Variants in PARD6G observed in about 807,000 individuals in gnomAD.
The protein encoded by PARD6G is par-6 family cell polarity regulator gamma.
Under a neutral mutation model 10.7 loss-of-function variants are expected in PARD6G, and 7 were observed. That is an observed-to-expected ratio of 0.66 (90% CI 0.37 to 1.23). The LOEUF (loss-of-function observed/expected upper bound fraction) is 1.23. PARD6G is among the 50% of genes most tolerant of loss of function. The probability of loss-of-function intolerance (pLI) is 0.02; values close to 1 mark genes in which losing one functional copy is unlikely to be tolerated. For synonymous variants in PARD6G, 287 were observed against 269.4 expected (o/e 1.07, Z -0.64); for missense variants, 548 against 571.8 (o/e 0.96, Z 0.42).
At chr18:80,193,269 T>C (rs1352277940) in intron 2 of PARD6G, among the ~76,000 whole-genome samples, 2 of 152,118 alleles carry the variant, frequency 1.3e-5, no homozygotes, top group Admixed American at 6.5e-5. Flanking sequence ...GCCTCACGCA[T>C]GGCCTGGGGA....
chr18:80,197,999 C>G (rs1050170345), intron 2 of PARD6G, among the ~76,000 whole-genome samples: 3 of 152,176 alleles, frequency 2.0e-5, no homozygotes, highest in Non-Finnish European at 4.4e-5. Flanking sequence ...GTCATGTGTC[C>G]AAGGGAAAAG....
At chr18:80,203,785 T>C (rs77740810) in intron 1 of PARD6G, among the ~76,000 whole-genome samples, 1 of 152,292 alleles carries the variant, frequency 6.6e-6, no homozygotes, top group East Asian at 1.9e-4. Flanking sequence ...AGCTAGGAAG[T>C]GTCTTCATTT....
intron 1 of PARD6G, among the ~76,000 whole-genome samples, chr18:80,239,836 A>G (rs1248832346): frequency 6.6e-6 from 1 of 152,058 alleles, no homozygotes; most frequent in East Asian, 1.9e-4. Context: ...TCAATGTATC[A>G]ATACATTTTA....
chr18:80,160,192 A>G lies in PARD6G; in HGVS notation c.710T>C (p.Ile237Thr). 6.2e-7 allele frequency: 1 copy of G among 1,613,120 alleles called. No homozygotes were observed. Among genetic ancestry groups the G allele is most frequent in the Admixed American group, 1.7e-5 (1 of 60,018 alleles). ...GACGATGAGGTTGTGGCTGTTGGCG[A>G]TCATCATGTCCGTGACCTGGTCCAG... ...KTLDQVTDMM[I>T]ANSHNLIVTV... is the part of the protein sequence containing the mutation. Residue 237 changes from isoleucine (I) to threonine (T), a missense_variant, in exon 3 of 3, where the codon ATC becomes ACC. By Grantham distance (89) the Ile-to-Thr change is moderately conservative. Transcript: ENST00000353265.
Position 80,192,256 on chromosome 18 carries a change from A to C in PARD6G, c.295+10454T>G, listed in dbSNP as rs1599858457. Among the ~76,000 whole-genome samples, 2 of 152,290 alleles carry C rather than the reference A, an allele frequency of 1.3e-5. No homozygotes were observed. Among genetic ancestry groups the C allele is most frequent in the South Asian group, 4.1e-4 (2 of 4,824 alleles). On this transcript the variant is annotated intron_variant, in intron 2 of 2. Coordinates refer to ENST00000353265, the MANE Select transcript of PARD6G (RefSeq NM_032510.4). This position sits in a 1 kb window ranked among gnomAD's most constrained non-coding sequence, Gnocchi z 4.9. Reference sequence around the variant, plus strand: ...GAACACTCTCCTTCGGTGGTCTCTGAGTCGTCCCTGAGGTGGGGTGCAGTG... The same window carrying C: ...GAACACTCTCCTTCGGTGGTCTCTGCGTCGTCCCTGAGGTGGGGTGCAGTG...
chr18:80,211,932 G>T (rs7229457), intron 1 of PARD6G, among the ~76,000 whole-genome samples: 94,473 of 145,792 alleles, frequency 0.65, 31,076 homozygotes, highest in Non-Finnish European at 0.74. Context: ...TTTGAATGCA[G>T]AGTTTGAGTT....
Position 80,192,064 on chromosome 18 carries a change from A to G in PARD6G, c.295+10646T>C, listed in dbSNP as rs1431320473. On this transcript the variant is annotated intron_variant, in intron 2 of 2. Transcript: ENST00000353265. This position sits in a 1 kb window ranked among gnomAD's most constrained non-coding sequence, Gnocchi z 4.9. ...AAAAACGTGTACTTTCATGTTTTCAATGTACAAGAAGGTCAGCGTTAACCA... is the reference window on the plus strand; with the variant it reads ...AAAAACGTGTACTTTCATGTTTTCAGTGTACAAGAAGGTCAGCGTTAACCA... 1.3e-5 allele frequency among the ~76,000 whole-genome samples: 2 copies of G among 152,192 alleles called. No individual in the cohort carries two copies. Among genetic ancestry groups the G allele is most frequent in the Admixed American group, 6.5e-5 (1 of 15,274 alleles).
At chr18:80,241,738 G>A (rs1967492649) in intron 1 of PARD6G, among the ~76,000 whole-genome samples, 1 of 152,180 alleles carries the variant, frequency 6.6e-6, no homozygotes, top group Non-Finnish European at 1.5e-5. Context: ...GGGTCATGGT[G>A]CAGTAGAAAT....
intron 2 of PARD6G, among the ~76,000 whole-genome samples, chr18:80,186,111 C>G (rs1274752539): frequency 6.8e-6 from 1 of 147,398 alleles, no homozygotes; most frequent in East Asian, 2.1e-4. Context: ...TGCTTGCACA[C>G]CCTCACACGC....
rs562725329 is a variant in PARD6G at position 80,179,839 on chromosome 18, G to T, written c.296-19233C>A. On this transcript the variant is annotated intron_variant, in intron 2 of 2. Coordinates refer to ENST00000353265, the MANE Select transcript of PARD6G (RefSeq NM_032510.4). The stretch of plus-strand genomic sequence containing the variant: ...TGTTATTATCAAAAGCAAATGGTTT[G>T]GGTAATGCAAAATCCAAAACGATCC... Among the ~76,000 whole-genome samples the T allele has an allele frequency of 3.0e-4, 45 of 152,358 alleles. No homozygotes were observed. In the South Asian group the frequency reaches 9.1e-3, roughly 31 times the overall value.
intron 2 of PARD6G, chr18:80,197,567 T>G (rs528769192): frequency 6.6e-6 from 1 of 152,290 alleles, no homozygotes; most frequent in Admixed American, 6.5e-5. Flanking sequence ...CATCTTTCGG[T>G]GTAATTAAGC....
chr18:80,220,973 T>C (rs1367032284), intron 1 of PARD6G, among the ~76,000 whole-genome samples: 1 of 152,130 alleles, frequency 6.6e-6, no homozygotes, highest in Non-Finnish European at 1.5e-5. Flanking sequence ...CTAGATGAAA[T>C]GGACTGATTC....
intron 1 of PARD6G, among the ~76,000 whole-genome samples, chr18:80,233,441 AG>A (rs1399907286): frequency 6.6e-6 from 1 of 152,192 alleles, no homozygotes; most frequent in African/African-American, 2.4e-5. Flanking sequence ...CATGGGGGTC[AG>A]TGCCACTTCC....
intron 2 of PARD6G, chr18:80,168,765 C>T (rs963684788): frequency 5.9e-6 from 1 of 169,130 alleles, no homozygotes; most frequent in Non-Finnish European, 1.5e-5. Context: ...TGTGAACCAC[C>T]ACACCCAGCC....
chr18:80,231,682 CCT>C lies in PARD6G; in HGVS notation c.72+15593_72+15594del, dbSNP rs1464297293. On this transcript the variant is annotated intron_variant, in intron 1 of 2. Coordinates refer to ENST00000353265, the MANE Select transcript of PARD6G (RefSeq NM_032510.4). This position sits in a 1 kb window ranked among gnomAD's most constrained non-coding sequence, Gnocchi z 4.2. ...GTGAGACTCTAATATGAACACATGT[CCT>C]GTGTTCAATATAGGCCCTGGTGAGC... Among the ~76,000 whole-genome samples the C allele has an allele frequency of 6.6e-6, 1 of 152,092 alleles. No homozygotes were observed. The highest frequency in any genetic ancestry group is 1.5e-5 in the Non-Finnish European group (1 of 68,028).
At position 80,181,999 on chromosome 18, in the gene PARD6G, T is replaced by C. The variant is rs549644092; in HGVS notation, c.295+20711A>G. 7.9e-5 allele frequency among the ~76,000 whole-genome samples: 12 copies of C among 152,260 alleles called. No homozygotes were observed. In the South Asian group the frequency reaches 2.5e-3, roughly 32 times the overall value. ...GTTCAGAGCTCTCGCAGGCCTCGTGTTCAACTCCTCATCTTGCCACCTGCT... is the reference window on the plus strand; with the variant it reads ...GTTCAGAGCTCTCGCAGGCCTCGTGCTCAACTCCTCATCTTGCCACCTGCT... On this transcript the variant is annotated intron_variant, in intron 2 of 2. Coordinates refer to ENST00000353265, the MANE Select transcript of PARD6G (RefSeq NM_032510.4). The surrounding 1 kb of genome is among the most constrained non-coding windows in gnomAD (Gnocchi z 7.9).
chr18:80,173,313 A>C (rs903848715), intron 2 of PARD6G, among the ~76,000 whole-genome samples: 1 of 152,134 alleles, frequency 6.6e-6, no homozygotes, highest in Admixed American at 6.5e-5. Flanking sequence ...GCTGGATACC[A>C]ACCCAACCTG....
At chr18:80,168,599 G>GTGTA (rs1216217284) in intron 2 of PARD6G, among the ~76,000 whole-genome samples, 1 of 150,268 alleles carries the variant, frequency 6.7e-6, no homozygotes, top group Admixed American at 6.6e-5. Context: ...GTGTGTGTGT[G>GTGTA]TGTGTGTGTA....
intron 1 of PARD6G, among the ~76,000 whole-genome samples, chr18:80,209,921 CATCT>C (rs1221193507): frequency 6.6e-6 from 1 of 152,064 alleles, no homozygotes; most frequent in Non-Finnish European, 1.5e-5. Flanking sequence ...AAGAAATGTC[CATCT>C]ATCACCTATA....
Sources: allele counts gnomAD v4.1 joint callset (sites outside exome capture counted in the v4.1 genomes callset), GRCh38; gene constraint gnomAD v4.1.1; non-coding constraint Gnocchi (gnomAD v3.1); transcripts MANE v1.5; gene names NCBI Gene and HGNC (gene_info 2026-07-23, HGNC 2026-07-21).